Variants in UBE2D2 observed in about 807,000 individuals in gnomAD.
The protein encoded by UBE2D2 is ubiquitin-conjugating enzyme E2 D2.
A neutral mutation model predicts 24.2 loss-of-function variants in UBE2D2; 2 were observed. The ratio of observed to expected loss-of-function variants is 0.08; its 90% CI spans 0.03 to 0.26. The LOEUF is 0.26. Among genes scored for constraint, UBE2D2 ranks in the 10% least tolerant of loss-of-function variants. The pLI, the probability that UBE2D2 is intolerant of heterozygous loss-of-function variation, is 1.00. For synonymous variants in UBE2D2, 58 were observed against 56.5 expected (o/e 1.03, Z -0.12); for missense variants, 44 against 177.6 (o/e 0.25, Z 4.28).
In UBE2D2 at chr5:139,546,817, T is replaced by C. The variant is rs371085815; in HGVS notation, c.-64+20205T>C. ...TTTCTTTCTTTCTTTCTTCTTTCTT[T>C]CTTCCTTCCTTCCTTCCTTCCTTCC... On this transcript the variant is annotated intron_variant, in intron 1 of 6. Transcript: ENST00000511725. Among the ~76,000 whole-genome samples the C allele has an allele frequency of 1.0e-3, 144 of 138,408 alleles. No homozygotes were observed. The East Asian group carries it at 0.016, about 15-fold the overall frequency. 90.8% of individuals were successfully genotyped at this position (138,408 alleles called of 152,430 possible).
chr5:139,623,520 ATCTT>A, intron 6 of UBE2D2, 59 bp downstream of exon 6: 1 of 1,432,156 alleles, frequency 7.0e-7, no homozygotes, highest in Non-Finnish European at 9.8e-7. Flanking sequence ...TTTGTCACAA[ATCTT>A]TCTTGTTTAA....
chr5:139,570,357 G>A (rs1029126558), intron 1 of UBE2D2, among the ~76,000 whole-genome samples: 6 of 151,708 alleles, frequency 4.0e-5, no homozygotes, highest in Non-Finnish European at 7.4e-5. Flanking sequence ...TTTTTCCCCC[G>A]AAACGGAGTC....
At chr5:139,545,377 AT>A (rs202160425) in intron 1 of UBE2D2, among the ~76,000 whole-genome samples, 2,729 of 119,060 alleles carry the variant, frequency 0.023, 39 homozygotes, top group Middle Eastern at 0.075. Context: ...TTTGTCTTCT[AT>A]TTTTTTTTTT....
intron 1 of UBE2D2, among the ~76,000 whole-genome samples, chr5:139,598,472 C>A (rs1438398846): frequency 6.7e-6 from 1 of 149,262 alleles, no homozygotes; most frequent in Non-Finnish European, 1.5e-5. Context: ...AGTTTCTGGG[C>A]TTTTATGTTT....
rs554463698 is a variant in UBE2D2 at position 139,603,395 on chromosome 5, C to G, written c.88+2960C>G. Among the ~76,000 whole-genome samples the G allele has an allele frequency of 2.0e-4, 31 of 152,160 alleles. 1 individual carries two copies. In the South Asian group the frequency reaches 3.7e-3, roughly 18 times the overall value. On this transcript the variant is annotated intron_variant, in intron 2 of 6. Transcript: ENST00000398733. ...AGTGCGATGGTTCACGTCTGTAATC[C>G]TAGCACTTTGGGAGGCCAGGAGTTC...
chr5:139,624,659 A>G (rs1194820052), intron 6 of UBE2D2, among the ~76,000 whole-genome samples: 1 of 152,238 alleles, frequency 6.6e-6, no homozygotes, highest in East Asian at 1.9e-4. Flanking sequence ...GGTGGCGGGC[A>G]CCTGTAATCG....
At chr5:139,537,413 C>T (rs1020856878) in intron 1 of UBE2D2, among the ~76,000 whole-genome samples, 9 of 151,968 alleles carry the variant, frequency 5.9e-5, no homozygotes, top group African/African-American at 1.2e-4. Context: ...TTAAAAAGTA[C>T]GATTCAATCG....
intron 1 of UBE2D2, among the ~76,000 whole-genome samples, chr5:139,530,426 T>C (rs1249232285): frequency 1.3e-5 from 2 of 152,042 alleles, no homozygotes; most frequent in African/African-American, 2.4e-5. Context: ...ATTAGAAAAA[T>C]AATGAATGGC....
At chr5:139,606,346 A>G (rs924768149) in intron 2 of UBE2D2, among the ~76,000 whole-genome samples, 10 of 151,988 alleles carry the variant, frequency 6.6e-5, no homozygotes, top group African/African-American at 1.2e-4. Context: ...TATTTTTAGT[A>G]GAGACTGGGT....
At chr5:139,561,896 C>T (rs1354263742) in intron 1 of UBE2D2, 81 bp downstream of exon 1, 9 of 1,426,808 alleles carry the variant, frequency 6.3e-6, no homozygotes, top group Non-Finnish European at 8.2e-6. Flanking sequence ...CTCCGTCGGG[C>T]TCGCGGCCTC....
chr5:139,626,910 C>T lies in UBE2D2; in HGVS notation c.*109C>T, dbSNP rs1054528193. ...TTTCTATGAGCCCACGCCTCATCTTCCCCTGTGCACATGTTTACCTGATAC... is the reference window on the plus strand; with the variant it reads ...TTTCTATGAGCCCACGCCTCATCTTTCCCTGTGCACATGTTTACCTGATAC... On this transcript the variant is annotated 3_prime_UTR_variant, in exon 7 of 7. Transcript: ENST00000398733. The T allele has an allele frequency of 2.3e-6, 2 of 853,054 alleles. No individual in the cohort carries two copies. The highest frequency in any genetic ancestry group is 1.9e-6 in the Non-Finnish European group (1 of 531,886). 52.8% of individuals were successfully genotyped at this position (853,054 alleles called of 1,614,324 possible).
intron 1 of UBE2D2, among the ~76,000 whole-genome samples, chr5:139,580,715 G>T (rs1753583912): frequency 1.3e-5 from 2 of 152,166 alleles, no homozygotes; most frequent in African/African-American, 4.8e-5. Context: ...AAAGTGCTGG[G>T]ATTACAGGCG....
chr5:139,536,737 A>C (rs1752685833), intron 1 of UBE2D2, among the ~76,000 whole-genome samples: 1 of 150,308 alleles, frequency 6.7e-6, no homozygotes, highest in Non-Finnish European at 1.5e-5. Flanking sequence ...TGATCCACCC[A>C]CCTCAGCTTC....
intron 1 of UBE2D2, among the ~76,000 whole-genome samples, chr5:139,545,139 G>T (rs185499017): frequency 9.6e-4 from 146 of 151,764 alleles, no homozygotes; most frequent in African/African-American, 3.4e-3. Context: ...GATCTAACTC[G>T]ATCTAACTCA....
chr5:139,581,817 C>T (rs765324852), intron 1 of UBE2D2, among the ~76,000 whole-genome samples: 11 of 151,840 alleles, frequency 7.2e-5, no homozygotes, highest in African/African-American at 2.2e-4. Flanking sequence ...TACAGGCGCG[C>T]GCCACCATGC....
In UBE2D2 at chr5:139,609,684, TA is replaced by T. The variant is rs1266903858; in HGVS notation, c.89-4887del. On this transcript the variant is annotated intron_variant, in intron 2 of 6. Coordinates refer to ENST00000398733, the MANE Select transcript of UBE2D2 (RefSeq NM_003339.3). ...TCACACCTGGCTGCGCATCTCTATT[TA>T]AAAAAAAAAAAAAATTAATATTTTA... Among the ~76,000 whole-genome samples, 652 of 142,704 alleles carry T rather than the reference TA, an allele frequency of 4.6e-3. 1 individual carries two copies. The highest frequency in any genetic ancestry group is 9.7e-3 in the African/African-American group (381 of 39,322). 93.6% of individuals were successfully genotyped at this position (142,704 alleles called of 152,430 possible).
intron 5 of UBE2D2, among the ~76,000 whole-genome samples, chr5:139,618,038 A>G (rs577727061): frequency 1.3e-5 from 2 of 152,098 alleles, no homozygotes; most frequent in East Asian, 1.9e-4. Flanking sequence ...CAGTGGCGCA[A>G]TCTCGGCTCA....
chr5:139,571,224 T>C (rs1396164827), intron 1 of UBE2D2, among the ~76,000 whole-genome samples: 1 of 151,888 alleles, frequency 6.6e-6, no homozygotes, highest in Non-Finnish European at 1.5e-5. Context: ...CTGGCCAACA[T>C]GGTGAAACCC....
intron 1 of UBE2D2, 52 bp downstream of exon 1, chr5:139,561,867 C>A: frequency 6.9e-7 from 1 of 1,440,500 alleles, no homozygotes. Flanking sequence ...AGGCTGCGGC[C>A]TGCACTTCCC....
Sources: allele counts gnomAD v4.1 joint callset (sites outside exome capture counted in the v4.1 genomes callset), GRCh38; gene constraint gnomAD v4.1.1; transcripts MANE v1.5; gene names NCBI Gene and HGNC (gene_info 2026-07-23, HGNC 2026-07-21).